The following BCL11B variants were observed in gnomAD, a reference collection of about 807,000 sequenced individuals.
BCL11B encodes B-cell lymphoma/leukemia 11B.
In BCL11B, 8 loss-of-function variants were observed where a neutral mutation model predicts 49.9. That is an observed-to-expected ratio of 0.16 (90% CI 0.09 to 0.29). BCL11B has a LOEUF of 0.29. Ranked by LOEUF, BCL11B falls within the 10% of genes least tolerant of loss-of-function variation. BCL11B has a pLI of 1.00. For synonymous variants in BCL11B, 739 were observed against 637.4 expected (o/e 1.16, Z -2.40); for missense variants, 1,006 against 1,351.0 (o/e 0.74, Z 4.00).
intron 2 of BCL11B, among the ~76,000 whole-genome samples, chr14:99,244,065 C>G (rs1483580294): frequency 6.6e-6 from 1 of 152,198 alleles, no homozygotes; most frequent in Non-Finnish European, 1.5e-5. Flanking sequence ...CCAGAGCACC[C>G]TGGGGGCTAC....
chr14:99,175,035 T>C lies in BCL11B; in HGVS notation c.1801A>G (p.Asn601Asp). Residue 601 changes from asparagine (N) to aspartate (D), a missense_variant, in exon 4 of 4, where the codon AAC (asparagine) becomes GAC (aspartate). Physicochemically the swap from Asn to Asp is conservative, Grantham distance 23. Around this residue, in one of 6 missense-constraint regions of BCL11B, gnomAD observed 443 missense variants for 499.7 expected, o/e 0.89. Coordinates refer to ENST00000357195, the MANE Select transcript of BCL11B (RefSeq NM_138576.4). Reference protein sequence around the residue: ...KALVLGKVMENVGLGALPQYG... With the variant: ...KALVLGKVMEDVGLGALPQYG... ...TGCGGCAGTGCGCCTAGGCCCACGT[T>C]CTCCATGACCTTGCCCAGCACCAGC... is the stretch of plus-strand genomic sequence containing the variant. 6.3e-7 allele frequency: 1 copy of C among 1,596,262 alleles called. No individual in the cohort carries two copies. Among genetic ancestry groups the C allele is most frequent in the Non-Finnish European group, 8.5e-7 (1 of 1,176,560 alleles).
At chr14:99,269,875 TAAAAAAAAAAAAAA>T (rs56659919) in intron 1 of BCL11B, among the ~76,000 whole-genome samples, 37 of 41,232 alleles carry the variant, frequency 9.0e-4, no homozygotes, top group South Asian at 7.1e-3. Context: ...CTATTGCAGT[TAAAAAAAAAAAAAA>T]AAAAAAAAAA....
intron 3 of BCL11B, among the ~76,000 whole-genome samples, chr14:99,229,543 A>G (rs116828248): frequency 0.017 from 2,526 of 152,242 alleles, 75 homozygotes; most frequent in African/African-American, 0.057. Context: ...CATCTGCAAA[A>G]TGGGGATGGT....
At chr14:99,253,917 T>C (rs1158993269) in intron 2 of BCL11B, among the ~76,000 whole-genome samples, 1 of 152,152 alleles carries the variant, frequency 6.6e-6, no homozygotes, top group Non-Finnish European at 1.5e-5. Flanking sequence ...GACCACCAGC[T>C]AAAGACCCTG....
intron 3 of BCL11B, among the ~76,000 whole-genome samples, chr14:99,223,296 C>A (rs1888064179): frequency 6.6e-6 from 1 of 152,234 alleles, no homozygotes; most frequent in African/African-American, 2.4e-5. Context: ...TCCTTAGCTG[C>A]TGCTTATTAC....
chr14:99,193,093 T>G (rs1278003634), intron 3 of BCL11B, among the ~76,000 whole-genome samples: 1 of 152,196 alleles, frequency 6.6e-6, no homozygotes. Context: ...GGTCAGCCAC[T>G]GCCACCAAGT....
Position 99,255,683 on chromosome 14 carries a change from T to C in BCL11B, c.427+1788A>G, listed in dbSNP as rs1486653514. Among the ~76,000 whole-genome samples, 4 of 152,314 alleles carry C rather than the reference T, an allele frequency of 2.6e-5. No homozygotes were observed. In the East Asian group the frequency reaches 5.8e-4, roughly 22 times the overall value. On this transcript the variant is annotated intron_variant, in intron 2 of 3. Transcript: ENST00000357195. ...CAAGGCCACCCCTGAAAGATCGATG[T>C]GCACTGAGGCCAGGCGTCGATACTA...
Position 99,271,326 on chromosome 14 carries a change from C to CGCCGCT in BCL11B, c.-109_-108insAGCGGC. The CGCCGCT allele has an allele frequency of 1.3e-6, 1 of 760,242 alleles. No individual in the cohort carries two copies. Among genetic ancestry groups the CGCCGCT allele is most frequent in the Non-Finnish European group, 1.7e-6 (1 of 572,044 alleles). 47.1% of individuals were successfully genotyped at this position (760,242 alleles called of 1,614,324 possible). A position where few individuals can be genotyped will look rare whatever the true frequency, so the allele number is the denominator to read the frequency against. ...CCGCTGCCGCCGCTGCCGCCGCCGC[C>CGCCGCT]GCCGCCGCCGCACCTCCTCCTCTGC... On this transcript the variant is annotated 5_prime_UTR_variant, in exon 1 of 4. Coordinates refer to ENST00000357195, the MANE Select transcript of BCL11B (RefSeq NM_138576.4).
At chr14:99,246,171 G>A (rs908355002) in intron 2 of BCL11B, among the ~76,000 whole-genome samples, 4 of 152,264 alleles carry the variant, frequency 2.6e-5, no homozygotes, top group South Asian at 2.1e-4. Flanking sequence ...CAGGCCGAGT[G>A]GGGGAGGGGA....
At position 99,195,903 on chromosome 14, in the gene BCL11B, T is replaced by G. The variant is rs1177724116; in HGVS notation, c.641-19708A>C. Among the ~76,000 whole-genome samples, 1 of 152,104 alleles carries G rather than the reference T, an allele frequency of 6.6e-6. No individual in the cohort carries two copies. Among genetic ancestry groups the G allele is most frequent in the Non-Finnish European group, 1.5e-5 (1 of 68,024 alleles). ...AAATTCTGCAGTCTGCACCCGCCCC[T>G]TGTGTCTGCGCGGCACAGTGAGAAC... On this transcript the variant is annotated intron_variant, in intron 3 of 3. Coordinates refer to ENST00000357195, the MANE Select transcript of BCL11B (RefSeq NM_138576.4). The surrounding 1 kb of genome is among the most constrained non-coding windows in gnomAD (Gnocchi z 4.7).
chr14:99,200,363 G>A (rs1159755547), intron 3 of BCL11B, among the ~76,000 whole-genome samples: 1 of 152,226 alleles, frequency 6.6e-6, no homozygotes, highest in Non-Finnish European at 1.5e-5. Flanking sequence ...AAAGCCCAGG[G>A]CCGTGCCAGG....
At chr14:99,244,439 C>T (rs1224742649) in intron 2 of BCL11B, among the ~76,000 whole-genome samples, 1 of 152,104 alleles carries the variant, frequency 6.6e-6, no homozygotes, top group Non-Finnish European at 1.5e-5. Flanking sequence ...TAAAGGAATC[C>T]GGTAACATAA....
rs184530838 is a variant in BCL11B, at chr14:99,232,953, C to T, written c.428-1396G>A. Among the ~76,000 whole-genome samples, 14 of 152,316 alleles carry T rather than the reference C, an allele frequency of 9.2e-5. No homozygotes were observed. The East Asian group carries it at 2.5e-3, about 27-fold the overall frequency. ...GGTCAAAGCTAACACCAACACTGCTCGGAACCCCCTGAACCAACAAAGACC... is the reference window on the plus strand; with the variant it reads ...GGTCAAAGCTAACACCAACACTGCTTGGAACCCCCTGAACCAACAAAGACC... On this transcript the variant is annotated intron_variant, in intron 2 of 3. Transcript: ENST00000357195. The surrounding 1 kb of genome is among the most constrained non-coding windows in gnomAD (Gnocchi z 5.1).
At chr14:99,211,764 C>G (rs1003197173) in intron 3 of BCL11B, among the ~76,000 whole-genome samples, 1 of 152,188 alleles carries the variant, frequency 6.6e-6, no homozygotes, top group Non-Finnish European at 1.5e-5. Context: ...AAACTCCGCC[C>G]TGCCCTCTGG....
rs556461661 is a variant in BCL11B at position 99,244,296 on chromosome 14, C to T, written c.428-12739G>A. Among the ~76,000 whole-genome samples, 10 of 151,900 alleles carry T rather than the reference C, an allele frequency of 6.6e-5. No homozygotes were observed. The South Asian group carries it at 1.0e-3, about 16-fold the overall frequency. ...TCAAGCAAAACATGAACAATTACCC[C>T]CCCCTCACACACACACACACCCCTA... On this transcript the variant is annotated intron_variant, in intron 2 of 3. Transcript: ENST00000357195.
intron 3 of BCL11B, among the ~76,000 whole-genome samples, chr14:99,218,045 A>G (rs1887901960): frequency 6.7e-6 from 1 of 149,254 alleles, no homozygotes; most frequent in Non-Finnish European, 1.5e-5. Context: ...GTTAATTCTC[A>G]TAATAATCAT....
chr14:99,254,878 A>G (rs1212034134), intron 2 of BCL11B, among the ~76,000 whole-genome samples: 2 of 152,216 alleles, frequency 1.3e-5, no homozygotes, highest in African/African-American at 4.8e-5. Context: ...TGACACATTT[A>G]TTTTACAATA....
chr14:99,252,572 C>T (rs967419264), intron 2 of BCL11B, among the ~76,000 whole-genome samples: 5 of 152,216 alleles, frequency 3.3e-5, no homozygotes, highest in African/African-American at 1.2e-4. Flanking sequence ...AAGAGAATCT[C>T]CCAGGTAGAT....
intron 1 of BCL11B, chr14:99,263,024 G>A (rs1246654186): frequency 1.3e-5 from 2 of 152,226 alleles, no homozygotes; most frequent in Non-Finnish European, 2.9e-5. Flanking sequence ...ATAAGAGGGA[G>A]GCTGGTGTCA....
Sources: gnomAD v4.1 joint callset for allele counts (sites outside exome capture counted in the v4.1 genomes callset) on GRCh38, gnomAD v4.1.1 for gene constraint, gnomAD v4.1.1 regional missense constraint, Gnocchi (gnomAD v3.1) non-coding constraint, MANE v1.5 for transcripts, NCBI Gene and HGNC (gene_info 2026-07-23, HGNC 2026-07-21) for gene names.